Variants in DNAH14 observed in about 807,000 individuals in gnomAD.
DNAH14 encodes the protein axonemal beta dynein heavy chain 14.
A neutral mutation model predicts 520.9 loss-of-function variants in DNAH14; 478 were observed. The observed-to-expected ratio is 0.92, with a 90% CI of 0.85 to 0.99. The LOEUF is 0.99. Among genes scored for constraint, DNAH14 ranks in the 50% least tolerant of loss-of-function variants. The pLI, the probability that DNAH14 is intolerant of heterozygous loss-of-function variation, is 0.00. For missense variants in DNAH14, 4,831 were observed against 5,234.5 expected, an observed-to-expected ratio of 0.92 and a Z score of 2.38; for synonymous variants, 1,581 against 1,757.2, an observed-to-expected ratio of 0.90 and a Z score of 2.51.
chr1:225,276,999 AAGGG>A lies in DNAH14; in HGVS notation c.8179-383_8179-380del, dbSNP rs1230311457. Among the ~76,000 whole-genome samples the A allele has an allele frequency of 8.5e-3, 355 of 41,720 alleles. 10 individuals carry two copies. Among genetic ancestry groups the A allele is most frequent in the Middle Eastern group, 0.026 (2 of 76 alleles). 27.4% of individuals were successfully genotyped at this position (41,720 alleles called of 152,430 possible). On this transcript the variant is annotated intron_variant, in intron 53 of 85. Coordinates refer to ENST00000682510, the MANE Select transcript of DNAH14 (RefSeq NM_001367479.1). ...GAAGGAAGGAAGGGAGGGAGGAAGG[AAGGG>A]AGGGAGGGAGGGAGGGAGGGAGGGA...
chr1:224,994,692 C>T (rs1274764480), intron 8 of DNAH14, among the ~76,000 whole-genome samples: 1 of 152,020 alleles, frequency 6.6e-6, no homozygotes, highest in Non-Finnish European at 1.5e-5. Flanking sequence ...CAGGTAAGGA[C>T]TTAACAACTG....
chr1:225,084,013 AT>A (rs2073445486), intron 20 of DNAH14, among the ~76,000 whole-genome samples: 1 of 152,160 alleles, frequency 6.6e-6, no homozygotes, highest in African/African-American at 2.4e-5. Context: ...GGTGGCCTAC[AT>A]GGGGTGGTGG....
chr1:225,060,515 G>A (rs1055616709), intron 17 of DNAH14, among the ~76,000 whole-genome samples: 17 of 152,162 alleles, frequency 1.1e-4, no homozygotes, highest in South Asian at 1.0e-3. Flanking sequence ...CTCTCAACTC[G>A]TCAAAGTCAT....
chr1:224,937,577 A>G (rs752010796), intron 1 of DNAH14, among the ~76,000 whole-genome samples: 1 of 152,082 alleles, frequency 6.6e-6, no homozygotes, highest in Non-Finnish European at 1.5e-5. Flanking sequence ...TATATATTCC[A>G]TGCTCATGGA....
intron 41 of DNAH14, among the ~76,000 whole-genome samples, chr1:225,226,361 G>T (rs1373385840): frequency 6.6e-6 from 1 of 152,120 alleles, no homozygotes; most frequent in Non-Finnish European, 1.5e-5. Context: ...TTGTGTGCCC[G>T]CCCAAACACA....
intron 83 of DNAH14, among the ~76,000 whole-genome samples, chr1:225,390,285 A>C (rs996386438): frequency 6.6e-6 from 1 of 152,218 alleles, no homozygotes; most frequent in South Asian, 2.1e-4. Flanking sequence ...TTGATGACTG[A>C]ATGCTGGAAC....
At chr1:225,291,509 G>A (rs1194153740) in intron 55 of DNAH14, among the ~76,000 whole-genome samples, 5 of 151,868 alleles carry the variant, frequency 3.3e-5, no homozygotes, top group Non-Finnish European at 5.9e-5. Context: ...CCCGACCTCC[G>A]AGGCTCAAGT....
chr1:225,222,550 T>G (rs1558072622), intron 41 of DNAH14, among the ~76,000 whole-genome samples: 1 of 152,180 alleles, frequency 6.6e-6, no homozygotes, highest in Non-Finnish European at 1.5e-5. Context: ...TTTTATTCCC[T>G]TATTTGTCCC....
rs1429906678 is a variant in DNAH14 at position 225,147,185 on chromosome 1, G to T, written c.4876G>T (p.Val1626Phe). Residue 1626 changes from valine (V) to phenylalanine (F), a missense_variant, in exon 31 of 86, where the codon GTT becomes TTT. Physicochemically the swap from Val to Phe is conservative, Grantham distance 50 (BLOSUM62 -1). Coordinates refer to ENST00000682510, the MANE Select transcript of DNAH14 (RefSeq NM_001367479.1). ...FDEFNLIDLE[V>F]LSVIASQILT... ...TGAATTCAATCTAATTGATTTGGAA[G>T]TTCTCTCTGTCATTGCCTCACAGAT... 6.4e-7 allele frequency: 1 copy of T among 1,550,860 alleles called. No homozygotes were observed. Among genetic ancestry groups the T allele is most frequent in the Non-Finnish European group, 8.7e-7 (1 of 1,146,662 alleles).
chr1:225,053,073 C>G (rs916115470), intron 17 of DNAH14, among the ~76,000 whole-genome samples: 6 of 152,116 alleles, frequency 3.9e-5, no homozygotes, highest in African/African-American at 9.7e-5. Context: ...GGTACCCCCA[C>G]ACTTTTGCTT....
chr1:225,327,001 C>T (rs185950513), intron 64 of DNAH14, among the ~76,000 whole-genome samples: 183 of 152,254 alleles, frequency 1.2e-3, no homozygotes, highest in African/African-American at 3.9e-3. Context: ...TACTCCACCC[C>T]GCAACAACAC....
chr1:225,055,206 A>G (rs1203519761), intron 17 of DNAH14, among the ~76,000 whole-genome samples: 1 of 152,124 alleles, frequency 6.6e-6, no homozygotes, highest in African/African-American at 2.4e-5. Context: ...TCTACATAGC[A>G]TTTCCTCATG....
intron 41 of DNAH14, among the ~76,000 whole-genome samples, chr1:225,217,774 G>A (rs1035625863): frequency 6.6e-6 from 1 of 152,118 alleles, no homozygotes; most frequent in East Asian, 1.9e-4. Context: ...GGGTAGGAGT[G>A]TCCCGATTTT....
chr1:225,389,965 G>C, intron 83 of DNAH14, 92 bp downstream of exon 83: 1 of 1,191,344 alleles, frequency 8.4e-7, no homozygotes, highest in Non-Finnish European at 1.2e-6. Flanking sequence ...CTCCCCTTTA[G>C]GATGACAACA....
At chr1:225,213,839 C>A (rs1286606001) in intron 41 of DNAH14, among the ~76,000 whole-genome samples, 2 of 152,176 alleles carry the variant, frequency 1.3e-5, no homozygotes, top group Non-Finnish European at 2.9e-5. Context: ...GATATACACT[C>A]ATGTCATCTG....
intron 36 of DNAH14, among the ~76,000 whole-genome samples, chr1:225,171,830 C>G (rs931551003): frequency 1.3e-5 from 2 of 152,114 alleles, no homozygotes; most frequent in Non-Finnish European, 2.9e-5. Context: ...GAATTTTAGA[C>G]CAGTATCCCT....
intron 1 of DNAH14, among the ~76,000 whole-genome samples, chr1:224,947,245 A>G (rs1051705092): frequency 2.6e-5 from 4 of 151,990 alleles, no homozygotes; most frequent in Non-Finnish European, 4.4e-5. Context: ...TGTTTCTGTG[A>G]TTTCCATAAT....
intron 54 of DNAH14, among the ~76,000 whole-genome samples, chr1:225,278,793 T>A (rs2093556102): frequency 6.6e-6 from 1 of 152,200 alleles, no homozygotes; most frequent in Non-Finnish European, 1.5e-5. Context: ...TGCTCAATTC[T>A]AAAATGCCTG....
intron 42 of DNAH14, among the ~76,000 whole-genome samples, chr1:225,235,711 T>A (rs1193272036): frequency 6.6e-6 from 1 of 152,192 alleles, no homozygotes; most frequent in African/African-American, 2.4e-5. Context: ...TGCCTCGATT[T>A]CAGAACTCAT....
Sources: gnomAD v4.1 joint callset for allele counts (sites outside exome capture counted in the v4.1 genomes callset) on GRCh38, gnomAD v4.1.1 for gene constraint, MANE v1.5 for transcripts, NCBI Gene and HGNC (gene_info 2026-07-23, HGNC 2026-07-21) for gene names.